RASEF: variants seen among roughly 807,000 people sequenced by gnomAD.
RASEF encodes ras and EF-hand domain-containing protein.
RASEF carries 68 observed loss-of-function variants against 90.1 expected under a neutral mutation model. That is an observed-to-expected ratio of 0.75 (90% CI 0.62 to 0.92). RASEF has a LOEUF of 0.92. RASEF is among the 40% of genes least tolerant of loss of function. The pLI, the probability that RASEF is intolerant of heterozygous loss-of-function variation, is 0.00. For missense variants in RASEF, 949 were observed against 937.2 expected, an observed-to-expected ratio of 1.01 and a Z score of -0.16; for synonymous variants, 331 against 345.2, an observed-to-expected ratio of 0.96 and a Z score of 0.46.
intron 16 of RASEF, among the ~76,000 whole-genome samples, chr9:82,983,107 C>CCACACACACACACACA (rs10539196): frequency 2.3e-4 from 29 of 128,652 alleles, no homozygotes; most frequent in African/African-American, 7.6e-4. Flanking sequence ...GAGTACCAGG[C>CCACACACACACACACA]CACACACACA....
Position 83,062,528 on chromosome 9 carries a change from C to T in RASEF, c.340G>A (p.Ala114Thr), listed in dbSNP as rs1325023673. 1 of 1,608,180 alleles carries T rather than the reference C, an allele frequency of 6.2e-7. No homozygotes were observed. The highest frequency in any genetic ancestry group is 8.5e-7 in the Non-Finnish European group (1 of 1,177,862). The change falls in exon 1 of 17, where the codon GCG becomes ACG. Residue 114 changes from alanine to threonine, a missense_variant. Ala to Thr is a moderately conservative substitution (Grantham distance 58). Transcript: ENST00000376447. Reference sequence around the variant, plus strand: ...GCCGGGCCGCACGAGGTGGCCAGCGCCGCCGCCGCGTCCTCGTCGCCTTCG... The same window carrying T: ...GCCGGGCCGCACGAGGTGGCCAGCGTCGCCGCCGCGTCCTCGTCGCCTTCG... ...EDEGDEDAAA[A>T]LATSCGPASP...
chr9:83,132,543 T>G, the RASEF span, among the ~76,000 whole-genome samples: 3 of 152,198 alleles, frequency 2.0e-5, no homozygotes, highest in Admixed American at 6.5e-5. Context: ...TTAGGGCAAT[T>G]AGTTTCACAG....
chr9:83,203,704 G>T, the RASEF span, among the ~76,000 whole-genome samples: 2 of 152,280 alleles, frequency 1.3e-5, no homozygotes, highest in East Asian at 1.9e-4. Context: ...CTAAATTTCA[G>T]ATCTGAAGAG....
chr9:83,104,743 C>T, the RASEF span, among the ~76,000 whole-genome samples: 1 of 152,138 alleles, frequency 6.6e-6, no homozygotes, highest in Non-Finnish European at 1.5e-5. Context: ...CTTTCAAACC[C>T]CTCATTTAAC....
chr9:83,195,210 G>A, the RASEF span, among the ~76,000 whole-genome samples: 8 of 152,280 alleles, frequency 5.3e-5, no homozygotes, highest in South Asian at 1.7e-3. Flanking sequence ...TGTAATTTTC[G>A]TGCCCTCTCT....
chr9:83,067,553 A>T, upstream of RASEF, among the ~76,000 whole-genome samples: 1 of 152,150 alleles, frequency 6.6e-6, no homozygotes, highest in East Asian at 1.9e-4. Context: ...TTCCCCTTTG[A>T]CTGCATATTG....
the RASEF span, among the ~76,000 whole-genome samples, chr9:83,094,344 TTA>T: frequency 6.8e-6 from 1 of 146,094 alleles, no homozygotes; most frequent in Non-Finnish European, 1.5e-5. Flanking sequence ...TTAATATTGT[TTA>T]TGTTGATTAT....
At chr9:83,010,181 T>C (rs1829214169) in intron 5 of RASEF, among the ~76,000 whole-genome samples, 1 of 152,196 alleles carries the variant, frequency 6.6e-6, no homozygotes, top group Non-Finnish European at 1.5e-5. Flanking sequence ...ATAAATTCCA[T>C]CACTTAATAT....
chr9:82,987,657 AT>A lies in RASEF; in HGVS notation c.2117+2733del, dbSNP rs1206873888. ...CTTCACCGGGGCACTTTGGAGCCAT[AT>A]AACTTTAATATGACCCCATAAGACA... On this transcript the variant is annotated intron_variant, in intron 16 of 16. Coordinates refer to ENST00000376447, the MANE Select transcript of RASEF (RefSeq NM_152573.4). Among the ~76,000 whole-genome samples the A allele has an allele frequency of 3.9e-5, 6 of 152,330 alleles. 1 individual carries two copies. Among genetic ancestry groups the A allele is most frequent in the African/African-American group, 1.4e-4 (6 of 41,578 alleles).
chr9:83,108,225 G>T, the RASEF span, among the ~76,000 whole-genome samples: 1 of 152,046 alleles, frequency 6.6e-6, no homozygotes, highest in African/African-American at 2.4e-5. Flanking sequence ...TACCCCTTGT[G>T]AATTATACCT....
At chr9:83,144,541 T>C in the RASEF span, among the ~76,000 whole-genome samples, 1 of 152,008 alleles carries the variant, frequency 6.6e-6, no homozygotes, top group Admixed American at 6.6e-5. Flanking sequence ...AGGTTACATT[T>C]CCACTGTGCT....
At chr9:83,089,886 G>A in the RASEF span, among the ~76,000 whole-genome samples, 1 of 140,578 alleles carries the variant, frequency 7.1e-6, no homozygotes, top group African/African-American at 2.7e-5. Context: ...GGACTTTATA[G>A]ATAGATGATA....
the RASEF span, among the ~76,000 whole-genome samples, chr9:83,175,369 C>T: frequency 4.4e-4 from 67 of 152,148 alleles, 1 homozygote; most frequent in South Asian, 3.9e-3. Context: ...TGATCATTTG[C>T]CTTTTGTCTT....
Position 83,025,820 on chromosome 9 carries a change from C to G in RASEF, c.533G>C (p.Arg178Thr), listed in dbSNP as rs1829536124. ...ATTTTCCATTTCTGTGCTTTGAAGT[C>G]TGATCTCACGGATGAAGTTCTTTAT... ...HVIKNFIREI[R>T]LQSTEMENLA... The change falls in exon 2 of 17, where the codon AGA (arginine) becomes ACA (threonine). Residue 178 changes from arginine to threonine, a missense_variant. By Grantham distance (71) the Arg-to-Thr change is moderately conservative (BLOSUM62 -1). Coordinates refer to ENST00000376447, the MANE Select transcript of RASEF (RefSeq NM_152573.4). 6.2e-7 allele frequency: 1 copy of G among 1,613,910 alleles called. No individual in the cohort carries two copies. The highest frequency in any genetic ancestry group is 1.3e-5 in the African/African-American group (1 of 74,912).
chr9:83,027,762 T>C (rs562026961), intron 1 of RASEF, among the ~76,000 whole-genome samples: 1 of 152,314 alleles, frequency 6.6e-6, no homozygotes, highest in African/African-American at 2.4e-5. Context: ...GTATGAATAA[T>C]ATACCCTTTG....
At chr9:83,177,150 G>A in the RASEF span, among the ~76,000 whole-genome samples, 1 of 151,948 alleles carries the variant, frequency 6.6e-6, no homozygotes, top group East Asian at 1.9e-4. Flanking sequence ...TAATAAAAGG[G>A]GAATAAATGT....
At chr9:83,132,253 A>C in the RASEF span, among the ~76,000 whole-genome samples, 5 of 152,154 alleles carry the variant, frequency 3.3e-5, no homozygotes, top group African/African-American at 1.2e-4. Context: ...GCTACCATGT[A>C]ATAGTCTTAC....
intron 4 of RASEF, 37 bp from the exon 5 acceptor site, chr9:83,012,548 C>G: frequency 7.7e-7 from 1 of 1,294,478 alleles, no homozygotes; most frequent in Non-Finnish European, 1.1e-6. Context: ...CTTACAAACT[C>G]ACTTTGAATT....
chr9:83,145,071 T>G, the RASEF span, among the ~76,000 whole-genome samples: 1 of 152,186 alleles, frequency 6.6e-6, no homozygotes, highest in Admixed American at 6.5e-5. Flanking sequence ...CACAAACAAT[T>G]TTGAAGCTAC....
Sources: gnomAD v4.1 joint callset for allele counts (sites outside exome capture counted in the v4.1 genomes callset) on GRCh38, gnomAD v4.1.1 for gene constraint, MANE v1.5 for transcripts, NCBI Gene and HGNC (gene_info 2026-07-23, HGNC 2026-07-21) for gene names.